ALG9: variants seen among roughly 807,000 people sequenced by gnomAD.
The protein encoded by ALG9 is ALG9 alpha-1,2-mannosyltransferase.
Under a neutral mutation model 81.8 loss-of-function variants are expected in ALG9, and 55 were observed. The observed-to-expected ratio is 0.67, with a 90% CI of 0.54 to 0.84. ALG9 has a LOEUF of 0.84. ALG9 is among the 40% of genes least tolerant of loss of function. The pLI, the probability that ALG9 is intolerant of heterozygous loss-of-function variation, is 0.00. For synonymous variants in ALG9, 278 were observed against 274.3 expected (o/e 1.01, Z -0.13); for missense variants, 629 against 745.0 (o/e 0.84, Z 1.81).
At chr11:111,868,191 T>C (rs1372365553) in intron 3 of ALG9, among the ~76,000 whole-genome samples, 4 of 152,372 alleles carry the variant, frequency 2.6e-5, no homozygotes, top group South Asian at 2.1e-4. Context: ...AGACGCATCA[T>C]AGTCAAATTT....
the ALG9 span, among the ~76,000 whole-genome samples, chr11:111,776,380 A>G: frequency 1.3e-5 from 2 of 152,136 alleles, no homozygotes; most frequent in African/African-American, 4.8e-5. Context: ...ACCAGAGGTC[A>G]GGAGTTTGAG....
intron 13 of ALG9, chr11:111,829,344 A>G (rs1432121675): frequency 6.6e-6 from 1 of 152,224 alleles, no homozygotes; most frequent in African/African-American, 2.4e-5. Flanking sequence ...TGTCGAAGCT[A>G]AAAATATGCC....
intron 4 of ALG9, 75 bp downstream of exon 4, chr11:111,865,106 G>T: frequency 1.6e-6 from 2 of 1,221,224 alleles, no homozygotes; most frequent in Non-Finnish European, 2.3e-6. Context: ...TCACTGCCTA[G>T]ACTATCACAA....
intron 4 of ALG9, among the ~76,000 whole-genome samples, chr11:111,863,942 A>G (rs1286490087): frequency 6.6e-6 from 1 of 152,192 alleles, no homozygotes; most frequent in African/African-American, 2.4e-5. Flanking sequence ...AGGATATGGT[A>G]TTTATGACCT....
At chr11:111,853,555 T>C in intron 7 of ALG9, 70 bp from the exon 8 acceptor site, 2 of 1,571,002 alleles carry the variant, frequency 1.3e-6, no homozygotes, top group African/African-American at 1.4e-5. Flanking sequence ...AACCTGAGAA[T>C]GAAAAACAGA....
At chr11:111,864,975 C>T (rs1961809947) in intron 4 of ALG9, among the ~76,000 whole-genome samples, 1 of 152,088 alleles carries the variant, frequency 6.6e-6, no homozygotes, top group Non-Finnish European at 1.5e-5. Flanking sequence ...TGGGGTTTCT[C>T]CATGTTGGTC....
intron 14 of ALG9, among the ~76,000 whole-genome samples, chr11:111,793,139 T>C (rs1947680655): frequency 6.6e-6 from 1 of 152,106 alleles, no homozygotes; most frequent in African/African-American, 2.4e-5. Flanking sequence ...TGTGCCACCA[T>C]TCCCAGCTAA....
At chr11:111,851,415 T>G (rs1387002157) in intron 8 of ALG9, among the ~76,000 whole-genome samples, 1 of 148,450 alleles carries the variant, frequency 6.7e-6, no homozygotes, top group Admixed American at 6.8e-5. Context: ...GGAGGGGAGG[T>G]TGCAGTGAGC....
downstream of ALG9, among the ~76,000 whole-genome samples, chr11:111,779,528 T>C (rs781895552): frequency 1.4e-4 from 22 of 151,980 alleles, no homozygotes; most frequent in Non-Finnish European, 2.6e-4. Context: ...TTTTTACATA[T>C]AGAGGCGGGG....
At position 111,786,469 on chromosome 11, in the gene ALG9, A is replaced by G. The variant is rs374817147; in HGVS notation, c.1785T>C (p.Tyr595=). The change falls in exon 15 of 15, where the codon TAT becomes TAC. Residue 595 remains tyrosine (Y), a synonymous_variant. Transcript: ENST00000616540. ...AFYVPFLSDQ[Y]TVYVNYTILK... ...GGATGGTGTAGTTTACGTACACTGT[A>G]TACTGATCTGACAGGAAGGGGACAT... is the stretch of plus-strand genomic sequence containing the variant. The G allele has an allele frequency of 2.5e-5, 41 of 1,614,158 alleles. No homozygotes were observed. The highest frequency in any genetic ancestry group is 1.5e-4 in the African/African-American group (11 of 75,052).
chr11:111,809,394 G>A (rs892450506), intron 14 of ALG9, among the ~76,000 whole-genome samples: 2 of 152,074 alleles, frequency 1.3e-5, no homozygotes. Context: ...GCCGGGCATG[G>A]TGGTGTGCGC....
chr11:111,799,942 C>A (rs1948859996), intron 14 of ALG9, among the ~76,000 whole-genome samples: 1 of 152,154 alleles, frequency 6.6e-6, no homozygotes, highest in Non-Finnish European at 1.5e-5. Flanking sequence ...TCCCTCCTTA[C>A]CACCAGTACT....
chr11:111,786,293 G>C lies in ALG9; in HGVS notation c.*104C>G, dbSNP rs782498056. On this transcript the variant is annotated 3_prime_UTR_variant, in exon 15 of 15. Transcript: ENST00000616540. ...CACCCAGATTCCAGTATTCATGTCA[G>C]AAGACCTTTATTACAAATGTTACAG... 7.7e-6 allele frequency: 12 copies of C among 1,556,598 alleles called. No homozygotes were observed. Among genetic ancestry groups the C allele is most frequent in the African/African-American group, 1.4e-5 (1 of 73,572 alleles).
the ALG9 span, among the ~76,000 whole-genome samples, chr11:111,776,804 T>G: frequency 6.6e-6 from 1 of 152,160 alleles, no homozygotes; most frequent in Non-Finnish European, 1.5e-5. Context: ...TACCCTACAC[T>G]TTCAAAATGC....
chr11:111,841,541 G>A (rs1371908697), intron 9 of ALG9, among the ~76,000 whole-genome samples: 2 of 152,194 alleles, frequency 1.3e-5, no homozygotes, highest in African/African-American at 4.8e-5. Flanking sequence ...TTAGGTACAT[G>A]AGAAATGAGA....
intron 13 of ALG9, among the ~76,000 whole-genome samples, chr11:111,822,401 T>A (rs1555104831): frequency 4.6e-5 from 3 of 65,596 alleles, no homozygotes; most frequent in East Asian, 1.1e-3. Context: ...AAAGCACAAC[T>A]CAGTCTCAAA....
chr11:111,836,711 C>T lies in ALG9; in HGVS notation c.1473-417G>A, dbSNP rs574835287. On this transcript the variant is annotated intron_variant, in intron 12 of 14. Transcript: ENST00000616540. ...AGAAATACTTTGTTCCGGAGTAACC[C>T]TCAAACATATCTTTATCTATAAAAC... The T allele has an allele frequency of 1.0e-4, 22 of 216,746 alleles. No individual in the cohort carries two copies. In the East Asian group the frequency reaches 2.4e-3, roughly 23 times the overall value. 13.4% of individuals were successfully genotyped at this position (216,746 alleles called of 1,614,324 possible).
chr11:111,815,895 G>A (rs1179816385), intron 13 of ALG9, among the ~76,000 whole-genome samples: 1 of 152,158 alleles, frequency 6.6e-6, no homozygotes, highest in Non-Finnish European at 1.5e-5. Flanking sequence ...GAATATTAGA[G>A]CCCATTAAAA....
At chr11:111,778,923 T>C (rs960186059), downstream of ALG9, among the ~76,000 whole-genome samples, 2 of 151,788 alleles carry the variant, frequency 1.3e-5, no homozygotes, top group Non-Finnish European at 1.5e-5. Flanking sequence ...CAAGCGATTC[T>C]CCTGCCTCAG....
Sources: gnomAD v4.1 joint callset for allele counts (sites outside exome capture counted in the v4.1 genomes callset) on GRCh38, gnomAD v4.1.1 for gene constraint, MANE v1.5 for transcripts, NCBI Gene and HGNC (gene_info 2026-07-23, HGNC 2026-07-21) for gene names.